BACH2: variants seen among roughly 807,000 people sequenced by gnomAD.
BACH2 encodes BACH transcriptional regulator 2, also known as transcription regulator protein BACH2.
In BACH2, 5 loss-of-function variants were observed where a neutral mutation model predicts 61.8. The ratio of observed to expected loss-of-function variants is 0.08; its 90% CI spans 0.04 to 0.17. The LOEUF (loss-of-function observed/expected upper bound fraction) is 0.17, where lower values mean the gene tolerates loss of function less well. BACH2 is among the 10% of genes least tolerant of loss of function. The pLI is 1.00. For missense variants in BACH2, 824 were observed against 1,091.1 expected (o/e 0.76, Z 3.45); for synonymous variants, 446 against 440.1 (o/e 1.01, Z -0.17).
chr6:90,183,439 C>T (rs556645055), intron 4 of BACH2, among the ~76,000 whole-genome samples: 1 of 152,170 alleles, frequency 6.6e-6, no homozygotes, highest in Non-Finnish European at 1.5e-5. Flanking sequence ...TTCTAACATG[C>T]CTAATAACAT....
chr6:90,098,606 T>A (rs150769499), intron 4 of BACH2, among the ~76,000 whole-genome samples: 306 of 152,240 alleles, frequency 2.0e-3, no homozygotes, highest in African/African-American at 6.9e-3. Context: ...ACAAAACATT[T>A]CCACATGATA....
intron 5 of BACH2, among the ~76,000 whole-genome samples, chr6:90,086,610 C>T (rs973967647): frequency 6.6e-6 from 1 of 152,086 alleles, no homozygotes; most frequent in African/African-American, 2.4e-5. Flanking sequence ...GTGATCCAGG[C>T]AGGTCCTGCC....
intron 1 of BACH2, among the ~76,000 whole-genome samples, chr6:90,274,339 A>C (rs1771624273): frequency 6.6e-6 from 1 of 152,154 alleles, no homozygotes; most frequent in African/African-American, 2.4e-5. Context: ...ACACAACAAA[A>C]ACAAAACAAA....
chr6:90,169,544 G>A (rs2127836530), intron 4 of BACH2, among the ~76,000 whole-genome samples: 2 of 152,288 alleles, frequency 1.3e-5, no homozygotes, highest in Admixed American at 1.3e-4. Context: ...TAGACTCTCT[G>A]TCCCTCAGCT....
chr6:90,166,646 G>A (rs917140801), intron 4 of BACH2, among the ~76,000 whole-genome samples: 1 of 152,134 alleles, frequency 6.6e-6, no homozygotes, highest in African/African-American at 2.4e-5. Flanking sequence ...CAAAGATTTG[G>A]AACCAACCCA....
chr6:90,108,555 C>T (rs1373324940), intron 4 of BACH2, among the ~76,000 whole-genome samples: 1 of 152,162 alleles, frequency 6.6e-6, no homozygotes, highest in Non-Finnish European at 1.5e-5. Context: ...TCTAATTCTT[C>T]CCTTCTTCCT....
At chr6:90,266,752 A>G (rs1043580930) in intron 2 of BACH2, among the ~76,000 whole-genome samples, 11 of 152,146 alleles carry the variant, frequency 7.2e-5, no homozygotes, top group African/African-American at 2.7e-4. Context: ...GGGTTGAGGG[A>G]TAAGGGGAAT....
intron 5 of BACH2, among the ~76,000 whole-genome samples, chr6:90,023,868 C>T (rs561541894): frequency 4.6e-5 from 7 of 152,256 alleles, no homozygotes; most frequent in East Asian, 1.9e-4. Flanking sequence ...TTCTAACTTC[C>T]GGAACTGTGA....
At chr6:90,222,075 A>G (rs1002023464) in intron 3 of BACH2, among the ~76,000 whole-genome samples, 12 of 152,240 alleles carry the variant, frequency 7.9e-5, no homozygotes, top group African/African-American at 2.9e-4. Flanking sequence ...ATCAATATAA[A>G]AAGTATTAAT....
intron 7 of BACH2, among the ~76,000 whole-genome samples, chr6:89,946,967 G>A (rs186983013): frequency 7.5e-4 from 114 of 152,294 alleles, no homozygotes; most frequent in African/African-American, 2.3e-3. Flanking sequence ...TGCTTAACAC[G>A]GTATAACTAC....
rs1554215486 is a variant in BACH2, at chr6:89,930,168, C to CA, written c.*2239dup. 13 of 111,048 alleles carry CA rather than the reference C, an allele frequency of 1.2e-4. No individual in the cohort carries two copies. Among genetic ancestry groups the CA allele is most frequent in the East Asian group, 7.9e-4 (3 of 3,792 alleles). The allele number at this position is 111,048 out of a possible 1,614,324, so 6.9% of individuals were successfully genotyped here. On this transcript the variant is annotated 3_prime_UTR_variant, in exon 9 of 9. Coordinates refer to ENST00000257749, the MANE Select transcript of BACH2 (RefSeq NM_021813.4). ...ACACACACACACACACACACACAAA[C>CA]AAGAAAAAACAAAAACCCAGAGGCA...
intron 1 of BACH2, among the ~76,000 whole-genome samples, chr6:90,275,967 T>C (rs1366940772): frequency 7.3e-6 from 1 of 136,226 alleles, no homozygotes; most frequent in Non-Finnish European, 1.7e-5. Flanking sequence ...AGATTTCGTC[T>C]TAAAAAAAAA....
At chr6:90,246,540 C>G (rs1770644017) in intron 3 of BACH2, among the ~76,000 whole-genome samples, 1 of 152,032 alleles carries the variant, frequency 6.6e-6, no homozygotes, top group Non-Finnish European at 1.5e-5. Context: ...CATACATTCA[C>G]CCGAAACAAA....
chr6:90,222,559 T>C (rs1769769251), intron 3 of BACH2, among the ~76,000 whole-genome samples: 1 of 152,200 alleles, frequency 6.6e-6, no homozygotes, highest in Admixed American at 6.5e-5. Context: ...TCACTGATTG[T>C]GTATTTAATA....
chr6:90,097,279 TA>T (rs1038003689), intron 4 of BACH2, among the ~76,000 whole-genome samples: 51 of 134,402 alleles, frequency 3.8e-4, no homozygotes, highest in African/African-American at 1.4e-3. Context: ...AGATTTTTTT[TA>T]AAAATAGTGA....
At chr6:90,110,102 C>G (rs184897855) in intron 4 of BACH2, among the ~76,000 whole-genome samples, 2 of 152,286 alleles carry the variant, frequency 1.3e-5, no homozygotes, top group East Asian at 3.9e-4. Flanking sequence ...GCTGGATTCT[C>G]ATATCTGGTA....
At chr6:90,080,748 C>T in intron 5 of BACH2, 1 of 985,196 alleles carries the variant, frequency 1.0e-6, no homozygotes, top group Non-Finnish European at 1.2e-6. Context: ...CTGAGAAAGG[C>T]ATCTTTACCT....
At chr6:90,030,296 G>T (rs1229354283) in intron 5 of BACH2, among the ~76,000 whole-genome samples, 1 of 152,108 alleles carries the variant, frequency 6.6e-6, no homozygotes, top group African/African-American at 2.4e-5. Context: ...TTCAGAATGT[G>T]ACAGCGACCA....
intron 5 of BACH2, among the ~76,000 whole-genome samples, chr6:90,018,008 T>G (rs1193085135): frequency 1.3e-5 from 2 of 152,230 alleles, no homozygotes; most frequent in African/African-American, 4.8e-5. Context: ...ATTTGTTAGA[T>G]AGGAAAAGCA....
Sources: gnomAD v4.1 joint callset for allele counts (sites outside exome capture counted in the v4.1 genomes callset) on GRCh38, gnomAD v4.1.1 for gene constraint, MANE v1.5 for transcripts, NCBI Gene and HGNC (gene_info 2026-07-23, HGNC 2026-07-21) for gene names.